Variants in TSHZ2 observed in about 807,000 individuals in gnomAD.
TSHZ2 encodes the protein teashirt zinc finger homeobox 2, also known as teashirt homolog 2.
A neutral mutation model predicts 74.4 loss-of-function variants in TSHZ2; 21 were observed. The ratio of observed to expected loss-of-function variants is 0.28; its 90% CI spans 0.20 to 0.41. The LOEUF is 0.41. Among genes scored for constraint, TSHZ2 ranks in the 10% least tolerant of loss-of-function variants. TSHZ2 has a pLI of 1.00. For missense variants in TSHZ2, 1,244 were observed against 1,293.5 expected, an observed-to-expected ratio of 0.96 and a Z score of 0.59; for synonymous variants, 540 against 515.3, an observed-to-expected ratio of 1.05 and a Z score of -0.65.
chr20:53,200,359 C>A (rs6126780), intron 1 of TSHZ2, among the ~76,000 whole-genome samples: 1 of 152,110 alleles, frequency 6.6e-6, no homozygotes, highest in South Asian at 2.1e-4. Flanking sequence ...AACCAGGAAA[C>A]ACCAAGGATG....
At chr20:53,371,663 A>T (rs1277220369) in intron 2 of TSHZ2, among the ~76,000 whole-genome samples, 3 of 152,064 alleles carry the variant, frequency 2.0e-5, no homozygotes, top group African/African-American at 7.2e-5. Context: ...ATCACTTGAG[A>T]CCAGGAGTTT....
At chr20:53,170,301 G>A (rs764450396) in intron 1 of TSHZ2, among the ~76,000 whole-genome samples, 14 of 152,240 alleles carry the variant, frequency 9.2e-5, no homozygotes, top group African/African-American at 2.9e-4. Flanking sequence ...CTAAGAAGCC[G>A]TAGACTGCAG....
chr20:53,300,681 C>G (rs187914846), intron 2 of TSHZ2, among the ~76,000 whole-genome samples: 67 of 152,240 alleles, frequency 4.4e-4, no homozygotes, highest in African/African-American at 1.4e-3. Flanking sequence ...TATAATTTGC[C>G]TCAGATCAGC....
intron 2 of TSHZ2, among the ~76,000 whole-genome samples, chr20:53,353,399 ATTATT>A (rs1448544473): frequency 6.6e-6 from 1 of 152,224 alleles, no homozygotes; most frequent in African/African-American, 2.4e-5. Context: ...ATGTCATAGA[ATTATT>A]TAATTTTTGG....
intron 2 of TSHZ2, among the ~76,000 whole-genome samples, chr20:53,279,774 A>G (rs1038079150): frequency 6.6e-6 from 1 of 152,224 alleles, no homozygotes; most frequent in Non-Finnish European, 1.5e-5. Flanking sequence ...AAGGGAATAG[A>G]GCATTATGGG....
rs1163573987 is a variant in TSHZ2, at chr20:53,488,279, T to C, written c.*1144T>C. On this transcript the variant is annotated 3_prime_UTR_variant, in exon 3 of 3. Transcript: ENST00000371497. ...TAACGTAAAAATTCCAATAGAACTG[T>C]ATTAGATTTTCTCCATTAAATTAAC... 1 of 152,186 alleles carries C rather than the reference T, an allele frequency of 6.6e-6. No homozygotes were observed. The highest frequency in any genetic ancestry group is 2.4e-5 in the African/African-American group (1 of 41,450). The allele number at this position is 152,186 out of a possible 1,614,324, so 9.4% of individuals were successfully genotyped here.
chr20:53,285,848 T>C (rs1047235728), intron 2 of TSHZ2, among the ~76,000 whole-genome samples: 3 of 152,194 alleles, frequency 2.0e-5, no homozygotes, highest in African/African-American at 4.8e-5. Flanking sequence ...ATCTTTGAGA[T>C]TGGATTGATT....
chr20:53,309,527 G>A (rs1320468961), intron 2 of TSHZ2, among the ~76,000 whole-genome samples: 2 of 152,154 alleles, frequency 1.3e-5, no homozygotes, highest in Non-Finnish European at 2.9e-5. Context: ...AGTGTTAATG[G>A]GAGAGTTCAG....
intron 2 of TSHZ2, among the ~76,000 whole-genome samples, chr20:53,289,803 A>T (rs547710206): frequency 6.6e-6 from 1 of 152,382 alleles, no homozygotes; most frequent in East Asian, 1.9e-4. Context: ...AGTCATAAAA[A>T]GAATAAAACC....
intron 2 of TSHZ2, among the ~76,000 whole-genome samples, chr20:53,330,210 A>G (rs1979670202): frequency 6.6e-6 from 1 of 152,112 alleles, no homozygotes; most frequent in African/African-American, 2.4e-5. Flanking sequence ...TTTGGCTTGA[A>G]ATAATTATAG....
rs138172168 is a variant in TSHZ2 at position 53,222,801 on chromosome 20, T to C, written c.41-30698T>C. On this transcript the variant is annotated intron_variant, in intron 1 of 2. Coordinates refer to ENST00000371497, the MANE Select transcript of TSHZ2 (RefSeq NM_173485.6). ...CCCAGGTGGGATCCAATCAAATAAA[T>C]ACATTAGAAGCCTATTTAAAACACT... Among the ~76,000 whole-genome samples the C allele has an allele frequency of 1.7e-3, 252 of 152,316 alleles. 1 individual carries two copies. The highest frequency in any genetic ancestry group is 5.7e-3 in the African/African-American group (237 of 41,574).
At chr20:53,456,961 C>A in intron 2 of TSHZ2, among the ~76,000 whole-genome samples, 1 of 64,246 alleles carries the variant, frequency 1.6e-5, no homozygotes, top group African/African-American at 7.7e-5. Context: ...GTTACTGTAG[C>A]CTTGTAGTAT....
At chr20:53,072,755 A>G (rs1188909650) in intron 1 of TSHZ2, among the ~76,000 whole-genome samples, 1 of 152,226 alleles carries the variant, frequency 6.6e-6, no homozygotes, top group Non-Finnish European at 1.5e-5. Context: ...GTATGGGAAT[A>G]GAGTCTGTGA....
chr20:53,259,124 G>A (rs944928593), intron 2 of TSHZ2, among the ~76,000 whole-genome samples: 10 of 152,230 alleles, frequency 6.6e-5, no homozygotes, highest in African/African-American at 2.2e-4. Context: ...TGCATGTAAG[G>A]TTTCTAAATG....
intron 1 of TSHZ2, among the ~76,000 whole-genome samples, chr20:53,123,522 C>T (rs969899556): frequency 1.3e-5 from 2 of 152,120 alleles, no homozygotes; most frequent in African/African-American, 4.8e-5. Flanking sequence ...AGCAGGCTAA[C>T]CTAGGCATTT....
At chr20:53,288,009 A>G (rs1324439990) in intron 2 of TSHZ2, among the ~76,000 whole-genome samples, 2 of 152,258 alleles carry the variant, frequency 1.3e-5, no homozygotes, top group East Asian at 3.9e-4. Flanking sequence ...CTATAATTCC[A>G]TTATCGGGAG....
At chr20:53,096,652 G>C (rs1220968231) in intron 1 of TSHZ2, among the ~76,000 whole-genome samples, 1 of 151,982 alleles carries the variant, frequency 6.6e-6, no homozygotes, top group Admixed American at 6.6e-5. Flanking sequence ...GGAGGCCGAG[G>C]GGGGTGGATC....
chr20:53,184,472 A>G (rs964064105), intron 1 of TSHZ2, among the ~76,000 whole-genome samples: 6 of 152,224 alleles, frequency 3.9e-5, no homozygotes, highest in African/African-American at 1.4e-4. Context: ...AAAATGACAG[A>G]AGCAAAATGT....
chr20:53,143,225 C>T (rs939816774), intron 1 of TSHZ2, among the ~76,000 whole-genome samples: 2 of 152,230 alleles, frequency 1.3e-5, no homozygotes, highest in African/African-American at 4.8e-5. Context: ...AGAAGACTCA[C>T]TCCTTTGCCC....
Sources: gnomAD v4.1 joint callset for allele counts (sites outside exome capture counted in the v4.1 genomes callset) on GRCh38, gnomAD v4.1.1 for gene constraint, MANE v1.5 for transcripts, NCBI Gene and HGNC (gene_info 2026-07-23, HGNC 2026-07-21) for gene names.